The following ATPAF1 variants were observed in gnomAD, a reference collection of about 807,000 sequenced individuals.
ATPAF1 encodes homolog of yeast ATP11.
Under a neutral mutation model 43.9 loss-of-function variants are expected in ATPAF1, and 26 were observed. The ratio of observed to expected loss-of-function variants is 0.59; its 90% CI spans 0.43 to 0.82. The LOEUF (loss-of-function observed/expected upper bound fraction) is 0.82, where lower values mean the gene tolerates loss of function less well. ATPAF1 is among the 40% of genes least tolerant of loss of function. The pLI is 0.00. For missense variants in ATPAF1, 366 were observed against 435.0 expected (o/e 0.84, Z 1.41); for synonymous variants, 157 against 168.0 (o/e 0.93, Z 0.50).
intron 2 of ATPAF1, among the ~76,000 whole-genome samples, chr1:46,662,097 T>C (rs1676400634): frequency 6.6e-6 from 1 of 151,828 alleles, no homozygotes; most frequent in Middle Eastern, 3.2e-3. Flanking sequence ...GGTTTCACCG[T>C]GTTAGCCAGG....
chr1:46,651,765 T>C (rs959330520), intron 6 of ATPAF1, among the ~76,000 whole-genome samples: 9 of 151,622 alleles, frequency 5.9e-5, no homozygotes, highest in African/African-American at 2.2e-4. Flanking sequence ...TGGGAGAAAA[T>C]TTTTGCAACC....
chr1:46,637,609 T>C (rs1046495440), intron 8 of ATPAF1, among the ~76,000 whole-genome samples: 1 of 152,174 alleles, frequency 6.6e-6, no homozygotes, highest in Non-Finnish European at 1.5e-5. Context: ...GTGCTATGTC[T>C]AGCTAGAGAA....
downstream of ATPAF1, chr1:46,634,150 A>C (rs549816706): frequency 3.4e-6 from 1 of 292,248 alleles, no homozygotes; most frequent in South Asian, 3.3e-5. Flanking sequence ...TGGGATGTCC[A>C]CCCTATTTAA....
intron 4 of ATPAF1, among the ~76,000 whole-genome samples, chr1:46,657,370 C>T (rs1372029159): frequency 2.0e-5 from 3 of 151,984 alleles, no homozygotes; most frequent in African/African-American, 7.3e-5. Context: ...CTCATGAGTG[C>T]TTTGAAGGAA....
rs1319331777 is a variant in ATPAF1 at position 46,653,818 on chromosome 1, G to A, written c.539C>T (p.Pro180Leu). The A allele has an allele frequency of 6.2e-7, 1 of 1,608,664 alleles. No homozygotes were observed. Among genetic ancestry groups the A allele is most frequent in the Non-Finnish European group, 8.5e-7 (1 of 1,177,596 alleles). ...CACTTTGCCCTCCAAACTACTTACA[G>A]GAATAACTGCGTAGACTGTATCTTT... Residue 180 changes from proline (P) to leucine (L), a missense_variant and splice_region_variant, in exon 5 of 9, where the codon CCT (proline) becomes CTT (leucine). Around this residue, in one of 2 missense-constraint regions of ATPAF1, gnomAD observed 180 missense variants for 266.5 expected, o/e 0.68. Coordinates refer to ENST00000574428, the Ensembl canonical transcript of ATPAF1. The surrounding 1 kb of genome is among the most constrained non-coding windows in gnomAD (Gnocchi z 4.8).
At chr1:46,633,235 T>G (rs1480639139), downstream of ATPAF1, 1 of 157,308 alleles carries the variant, frequency 6.4e-6, no homozygotes, top group Non-Finnish European at 1.4e-5. Flanking sequence ...TGAGATAAAG[T>G]TTGTTCTTTT....
intron 6 of ATPAF1, among the ~76,000 whole-genome samples, chr1:46,645,932 T>C (rs1676035182): frequency 6.6e-6 from 1 of 152,180 alleles, no homozygotes; most frequent in Non-Finnish European, 1.5e-5. Context: ...TCCAGCACTT[T>C]GGAAGGCCAA....
Position 46,658,957 on chromosome 1 carries a change from C to T in ATPAF1, c.376-220G>A, listed in dbSNP as rs750562971. Among the ~76,000 whole-genome samples the T allele has an allele frequency of 4.6e-5, 7 of 152,010 alleles. No individual in the cohort carries two copies. The highest frequency in any genetic ancestry group is 6.6e-5 in the Admixed American group (1 of 15,252). On this transcript the variant is annotated intron_variant, in intron 2 of 8. Coordinates refer to ENST00000574428, the Ensembl canonical transcript of ATPAF1. Reference sequence around the variant, plus strand: ...CTGTAATCCCAGCACTTTGGGAAGCCGAGGCGAGAGAATCATAAGGTCAGG... The same window carrying T: ...CTGTAATCCCAGCACTTTGGGAAGCTGAGGCGAGAGAATCATAAGGTCAGG...
In ATPAF1 at chr1:46,636,205, T is replaced by C. The variant is rs1218128864; in HGVS notation, c.793-235A>G. ...GTATTGTATTTTTCCTTTTCTTTTTTTGTCTATTTTCCCTAGTACAAATTC... is the reference window on the plus strand; with the variant it reads ...GTATTGTATTTTTCCTTTTCTTTTTCTGTCTATTTTCCCTAGTACAAATTC... On this transcript the variant is annotated intron_variant, in intron 8 of 8. Transcript: ENST00000574428. 6 of 581,664 alleles carry C rather than the reference T, an allele frequency of 1.0e-5. No individual in the cohort carries two copies. In the East Asian group the frequency reaches 1.8e-4, roughly 17 times the overall value. 36.0% of individuals were successfully genotyped at this position (581,664 alleles called of 1,614,324 possible).
exon 9 of ATPAF1, chr1:46,635,946 C>T (rs149664388): frequency 1.5e-5 from 25 of 1,614,044 alleles, no homozygotes; most frequent in African/African-American, 2.7e-5. Context: ...ACTTGGTTGG[C>T]GATGCACTGT....
intron 6 of ATPAF1, among the ~76,000 whole-genome samples, chr1:46,651,780 C>T (rs1676174589): frequency 6.6e-6 from 1 of 152,106 alleles, no homozygotes; most frequent in Non-Finnish European, 1.5e-5. Flanking sequence ...GCAACCTACT[C>T]ATCTGACAAA....
intron 6 of ATPAF1, among the ~76,000 whole-genome samples, chr1:46,649,133 T>G (rs1266480642): frequency 7.6e-6 from 1 of 132,088 alleles, no homozygotes; most frequent in East Asian, 2.2e-4. Context: ...CATTGCACCC[T>G]GGGTGACAAA....
chr1:46,665,077 C>G (rs1676464517), intron 2 of ATPAF1, 179 bp downstream of exon 2: 2 of 620,526 alleles, frequency 3.2e-6, no homozygotes, highest in Non-Finnish European at 5.6e-6. Flanking sequence ...CCACCATGAC[C>G]ACAGTACTTT....
At chr1:46,654,083 C>T (rs538380770) in intron 4 of ATPAF1, among the ~76,000 whole-genome samples, 2 of 152,300 alleles carry the variant, frequency 1.3e-5, no homozygotes, top group East Asian at 3.9e-4. Flanking sequence ...TAACAAATTC[C>T]TGACAGAGAA....
At chr1:46,635,660 G>T in exon 9 of ATPAF1, 2 of 999,938 alleles carry the variant, frequency 2.0e-6, no homozygotes, top group Non-Finnish European at 1.5e-6. Context: ...AGCACATAGG[G>T]CAACTCATTA....
rs1676528181 is a variant in ATPAF1, at chr1:46,668,235, G to A, written c.88C>T (p.Arg30Cys). 1 of 1,370,152 alleles carries A rather than the reference G, an allele frequency of 7.3e-7. No individual in the cohort carries two copies. Among genetic ancestry groups the A allele is most frequent in the South Asian group, 1.7e-5 (1 of 59,770 alleles). 84.9% of individuals were successfully genotyped at this position (1,370,152 alleles called of 1,614,324 possible). The change falls in exon 1 of 9, where the codon CGC becomes TGC. Residue 30 changes from arginine (R) to cysteine (C), a missense_variant. By Grantham distance (180) the Arg-to-Cys change is radical. Transcript: ENST00000574428. This position sits in a 1 kb window ranked among gnomAD's most constrained non-coding sequence, Gnocchi z 4.4. ...AGCCCCAGGCCCAGGGCGCGGCTGC[G>A]CACCGCGCACAGGCCCCGGTAGAGA...
chr1:46,632,937 G>A (rs1029525037), downstream of ATPAF1: 9 of 152,600 alleles, frequency 5.9e-5, no homozygotes, highest in Non-Finnish European at 1.0e-4. Flanking sequence ...GGGAGACAAA[G>A]AACAGAGGAA....
downstream of ATPAF1, chr1:46,633,671 T>C: frequency 2.2e-6 from 1 of 452,700 alleles, no homozygotes; most frequent in Admixed American, 2.4e-5. Flanking sequence ...CCCACACATT[T>C]ATCCATGGAC....
chr1:46,636,806 A>G (rs1675849844), intron 8 of ATPAF1, among the ~76,000 whole-genome samples: 1 of 152,116 alleles, frequency 6.6e-6, no homozygotes, highest in Admixed American at 6.6e-5. Flanking sequence ...AAAGGTTGTA[A>G]CTTTTCTCTT....
Sources: gnomAD v4.1 joint callset for allele counts (sites outside exome capture counted in the v4.1 genomes callset) on GRCh38, gnomAD v4.1.1 for gene constraint, gnomAD v4.1.1 regional missense constraint, Gnocchi (gnomAD v3.1) non-coding constraint, MANE v1.5 for transcripts, NCBI Gene and HGNC (gene_info 2026-07-23, HGNC 2026-07-21) for gene names.